Variants in NAPA observed in about 807,000 individuals in gnomAD.
The protein encoded by NAPA is NSF attachment protein alpha.
NAPA carries 18 observed loss-of-function variants against 48.0 expected under a neutral mutation model. The observed-to-expected ratio is 0.38, with a 90% CI of 0.26 to 0.56. The LOEUF is 0.56. NAPA is among the 20% of genes least tolerant of loss of function. The pLI is 0.77. For synonymous variants in NAPA, 152 were observed against 149.9 expected (o/e 1.01, Z -0.10); for missense variants, 315 against 385.0 (o/e 0.82, Z 1.52).
intron 1 of NAPA, among the ~76,000 whole-genome samples, chr19:47,512,279 C>T (rs1024435714): frequency 1.3e-5 from 2 of 152,110 alleles, no homozygotes; most frequent in Non-Finnish European, 2.9e-5. Flanking sequence ...CTGCCTAGAG[C>T]ACCCTCCCCG....
chr19:47,488,436 A>C, intron 10 of NAPA, 47 bp from the exon 11 acceptor site: 1 of 1,497,182 alleles, frequency 6.7e-7, no homozygotes, highest in Non-Finnish European at 9.3e-7. Flanking sequence ...CCCCGTTCCC[A>C]ACCCTGCAGC....
chr19:47,515,062 G>C lies in NAPA; in HGVS notation c.-122C>G, dbSNP rs1469459156. The C allele has an allele frequency of 2.0e-6, 2 of 1,000,632 alleles. No homozygotes were observed. Among genetic ancestry groups the C allele is most frequent in the South Asian group, 1.6e-5 (1 of 64,080 alleles). 62.0% of individuals were successfully genotyped at this position (1,000,632 alleles called of 1,614,324 possible). A position where few individuals can be genotyped will look rare whatever the true frequency, so the allele number is the denominator to read the frequency against. The stretch of plus-strand genomic sequence containing the variant: ...GGCTGCGTTGACGTCGCACCGGCGC[G>C]CGTCGCTTGCGGCCAGGAACCACGT... On this transcript the variant is annotated 5_prime_UTR_variant, in exon 1 of 11. Transcript: ENST00000263354.
intron 3 of NAPA, chr19:47,496,897 C>G: frequency 2.2e-6 from 1 of 454,964 alleles, no homozygotes; most frequent in South Asian, 1.6e-5. Context: ...AGAAAGACCT[C>G]TGGGGATCTA....
chr19:47,494,395 G>A (rs937265058), intron 4 of NAPA, among the ~76,000 whole-genome samples: 22 of 152,248 alleles, frequency 1.4e-4, no homozygotes, highest in African/African-American at 5.3e-4. Context: ...TAGGGCTCGT[G>A]TCCCTGCCTG....
intron 3 of NAPA, chr19:47,496,601 G>A (rs1816863623): frequency 4.2e-6 from 1 of 239,550 alleles, no homozygotes; most frequent in African/African-American, 2.3e-5. Flanking sequence ...TTCAGCCTGG[G>A]CATCTGAAAG....
chr19:47,496,910 AG>A, intron 3 of NAPA: 1 of 453,116 alleles, frequency 2.2e-6, no homozygotes. Context: ...GGGATCTAAA[AG>A]GGACTGAGAG....
Position 47,506,237 on chromosome 19 carries a change from G to A in NAPA, c.99-2735C>T, listed in dbSNP as rs1293915683. ...GGTCTCGAACTCCTGACCTCAAGTG[G>A]TCCACTCGCCTCGGCCTCCCAAAGT... On this transcript the variant is annotated intron_variant, in intron 1 of 10. Coordinates refer to ENST00000263354, the MANE Select transcript of NAPA (RefSeq NM_003827.4). The surrounding 1 kb of genome is among the most constrained non-coding windows in gnomAD (Gnocchi z 4.0). Among the ~76,000 whole-genome samples the A allele has an allele frequency of 5.9e-5, 9 of 151,920 alleles. No homozygotes were observed. The highest frequency in any genetic ancestry group is 2.0e-4 in the Admixed American group (3 of 15,254).
At chr19:47,488,610 G>A (rs568932427) in intron 10 of NAPA, 22 of 344,460 alleles carry the variant, frequency 6.4e-5, no homozygotes, top group African/African-American at 4.0e-4. Context: ...GAAAGATATT[G>A]TAGCTTTAAA....
Position 47,493,826 on chromosome 19 carries a change from C to G in NAPA, c.343-333G>C, listed in dbSNP as rs1168870535. Reference sequence around the variant, plus strand: ...ACGAGCACTTGGCCAAGGCCCTGGCCCTTAGGAAGCCTCTGATAACAGCCA... The same window carrying G: ...ACGAGCACTTGGCCAAGGCCCTGGCGCTTAGGAAGCCTCTGATAACAGCCA... On this transcript the variant is annotated intron_variant, in intron 4 of 10. Coordinates refer to ENST00000263354, the MANE Select transcript of NAPA (RefSeq NM_003827.4). The surrounding 1 kb of genome is among the most constrained non-coding windows in gnomAD (Gnocchi z 6.4). 1.3e-5 allele frequency among the ~76,000 whole-genome samples: 2 copies of G among 152,220 alleles called. No individual in the cohort carries two copies. The highest frequency in any genetic ancestry group is 4.8e-5 in the African/African-American group (2 of 41,452).
At chr19:47,494,504 A>G (rs1968364137) in intron 4 of NAPA, among the ~76,000 whole-genome samples, 1 of 152,022 alleles carries the variant, frequency 6.6e-6, no homozygotes, top group Non-Finnish European at 1.5e-5. Context: ...TTGGGAGGCC[A>G]AGGCAGGTGG....
chr19:47,485,855 T>C (rs942156914), downstream of NAPA, among the ~76,000 whole-genome samples: 2 of 152,200 alleles, frequency 1.3e-5, no homozygotes, highest in African/African-American at 2.4e-5. Flanking sequence ...AGGTGCTTAG[T>C]GAATATTCGC....
In NAPA at chr19:47,508,480, C is replaced by T. The variant is rs76267330; in HGVS notation, c.99-4978G>A. Among the ~76,000 whole-genome samples the T allele has an allele frequency of 4.6e-5, 7 of 152,290 alleles. No homozygotes were observed. In the East Asian group the frequency reaches 5.8e-4, roughly 13 times the overall value. On this transcript the variant is annotated intron_variant, in intron 1 of 10. Coordinates refer to ENST00000263354, the MANE Select transcript of NAPA (RefSeq NM_003827.4). ...TCTCTCCACAAGCCCCAGTTAACAA[C>T]GGTGAAAGAATAAAGTGTCACAGGC...
rs923343579 is a variant in NAPA at position 47,493,684 on chromosome 19, C to T, written c.343-191G>A. The T allele has an allele frequency of 2.0e-5, 12 of 609,464 alleles. No individual in the cohort carries two copies. The highest frequency in any genetic ancestry group is 1.0e-4 in the Admixed American group (4 of 39,114). 37.8% of individuals were successfully genotyped at this position (609,464 alleles called of 1,614,324 possible). A position where few individuals can be genotyped will look rare whatever the true frequency, so the allele number is the denominator to read the frequency against. ...GAAGGGAGGGCCCCAGCACTAGAGGCCTGGCTATGCGTGCTGGGCTGAGCG... is the reference window on the plus strand; with the variant it reads ...GAAGGGAGGGCCCCAGCACTAGAGGTCTGGCTATGCGTGCTGGGCTGAGCG... On this transcript the variant is annotated intron_variant, in intron 4 of 10. Transcript: ENST00000263354. The surrounding 1 kb of genome is among the most constrained non-coding windows in gnomAD (Gnocchi z 6.4).
At position 47,490,880 on chromosome 19, in the gene NAPA, A is replaced by G. The variant is rs765414304; in HGVS notation, c.667-24T>C. 6 of 1,609,054 alleles carry G rather than the reference A, an allele frequency of 3.7e-6. No homozygotes were observed. In the Admixed American group the frequency reaches 5.0e-5, roughly 13 times the overall value. On this transcript the variant is annotated intron_variant, in intron 8 of 10. Coordinates refer to ENST00000263354, the MANE Select transcript of NAPA (RefSeq NM_003827.4). ...AGCTGGGCAGCAGGGAAGGGAGAAG[A>G]TGAGTTAGTAACAAGAGGGTCCTCA...
intron 2 of NAPA, 99 bp from the exon 3 acceptor site, chr19:47,500,848 A>C: frequency 1.1e-6 from 1 of 885,760 alleles, no homozygotes; most frequent in Non-Finnish European, 1.7e-6. Flanking sequence ...GCTCTCGAGA[A>C]TGCGGAAAGA....
chr19:47,490,897 GGGTCC>G, intron 8 of NAPA, 41 bp from the exon 9 acceptor site: 1 of 1,587,286 alleles, frequency 6.3e-7, no homozygotes, highest in African/African-American at 1.3e-5. Flanking sequence ...AGTAACAAGA[GGGTCC>G]TCAGAGCTAC....
chr19:47,497,760 T>C (rs994342246), intron 3 of NAPA, among the ~76,000 whole-genome samples: 2 of 152,176 alleles, frequency 1.3e-5, no homozygotes, highest in African/African-American at 4.8e-5. Context: ...ATCTCCTCCT[T>C]AGTAAAATGG....
Position 47,506,559 on chromosome 19 carries a change from A to G in NAPA, c.99-3057T>C, listed in dbSNP as rs1310646026. 1.3e-5 allele frequency among the ~76,000 whole-genome samples: 2 copies of G among 152,202 alleles called. No homozygotes were observed. The highest frequency in any genetic ancestry group is 4.8e-5 in the African/African-American group (2 of 41,450). On this transcript the variant is annotated intron_variant, in intron 1 of 10. Coordinates refer to ENST00000263354, the MANE Select transcript of NAPA (RefSeq NM_003827.4). The surrounding 1 kb of genome is among the most constrained non-coding windows in gnomAD (Gnocchi z 4.0). ...AGCTCCATGCACTCTCTGAAAAAGC[A>G]CAGACCCTGGATGGGCAGAAATGAC...
At chr19:47,513,422 A>G (rs936427106) in intron 1 of NAPA, among the ~76,000 whole-genome samples, 4 of 152,040 alleles carry the variant, frequency 2.6e-5, no homozygotes, top group African/African-American at 9.7e-5. Flanking sequence ...CAATTCTAAC[A>G]CTCATAGCAA....
Sources: gnomAD v4.1 joint callset for allele counts (sites outside exome capture counted in the v4.1 genomes callset) on GRCh38, gnomAD v4.1.1 for gene constraint, Gnocchi (gnomAD v3.1) non-coding constraint, MANE v1.5 for transcripts, NCBI Gene and HGNC (gene_info 2026-07-23, HGNC 2026-07-21) for gene names.